PCDH15: variants seen among roughly 807,000 people sequenced by gnomAD.
PCDH15 encodes protocadherin-15.
PCDH15 carries 129 observed loss-of-function variants against 178.5 expected under a neutral mutation model. The observed-to-expected ratio is 0.72, with a 90% CI of 0.63 to 0.84. PCDH15 has a LOEUF of 0.84. PCDH15 is among the 40% of genes least tolerant of loss of function. PCDH15 has a pLI of 0.00. For synonymous variants in PCDH15, 800 were observed against 732.0 expected (o/e 1.09, Z -1.50); for missense variants, 2,230 against 2,099.9 (o/e 1.06, Z -1.21).
intron 21 of PCDH15, among the ~76,000 whole-genome samples, chr10:53,967,652 C>T (rs918919693): frequency 6.6e-6 from 1 of 151,646 alleles, no homozygotes; most frequent in African/African-American, 2.4e-5. Context: ...TTATATATAC[C>T]CAATAAGTTA....
chr10:54,743,080 G>C (rs1325741450), intron 1 of PCDH15, among the ~76,000 whole-genome samples: 1 of 152,018 alleles, frequency 6.6e-6, no homozygotes, highest in Non-Finnish European at 1.5e-5. Flanking sequence ...CCAGAAGTGA[G>C]TAACCAGCAG....
At chr10:54,697,515 GTATA>G (rs141387823) in intron 1 of PCDH15, among the ~76,000 whole-genome samples, 3 of 143,012 alleles carry the variant, frequency 2.1e-5, no homozygotes, top group Admixed American at 7.0e-5. Flanking sequence ...TGAAATGTGT[GTATA>G]TATATATATA....
intron 2 of PCDH15, among the ~76,000 whole-genome samples, chr10:55,099,138 C>G (rs746531936): frequency 1.3e-5 from 2 of 151,972 alleles, no homozygotes; most frequent in African/African-American, 2.4e-5. Flanking sequence ...ATGTTGCTCA[C>G]GCTGATCTTA....
intron 2 of PCDH15, among the ~76,000 whole-genome samples, chr10:55,113,422 A>T (rs1240019063): frequency 6.6e-6 from 1 of 152,176 alleles, no homozygotes; most frequent in Non-Finnish European, 1.5e-5. Context: ...GCTAAAAAAA[A>T]AAAAGGAAGA....
chr10:55,182,324 G>A (rs1210910948), intron 1 of PCDH15, among the ~76,000 whole-genome samples: 1 of 151,828 alleles, frequency 6.6e-6, no homozygotes, highest in Non-Finnish European at 1.5e-5. Context: ...CTACTTTTCT[G>A]TATCTACCAT....
chr10:54,520,198 C>A (rs2082695450), intron 3 of PCDH15, among the ~76,000 whole-genome samples: 1 of 152,140 alleles, frequency 6.6e-6, no homozygotes, highest in African/African-American at 2.4e-5. Flanking sequence ...GCAACAAAAG[C>A]CAAAATTGAC....
chr10:53,891,830 G>A (rs2081574904), intron 26 of PCDH15, among the ~76,000 whole-genome samples: 1 of 151,482 alleles, frequency 6.6e-6, no homozygotes, highest in Admixed American at 6.6e-5. Context: ...AAGTTAGCTG[G>A]GTGTGGCTTT....
chr10:54,566,317 T>C (rs978198414), intron 2 of PCDH15, among the ~76,000 whole-genome samples: 6 of 152,156 alleles, frequency 3.9e-5, no homozygotes, highest in African/African-American at 1.4e-4. Context: ...CTTGTTACAG[T>C]TGATGAAACT....
chr10:54,323,744 C>T (rs139695076), intron 7 of PCDH15, among the ~76,000 whole-genome samples: 355 of 152,090 alleles, frequency 2.3e-3, no homozygotes, highest in Non-Finnish European at 3.4e-3. Context: ...CAAAAAACTA[C>T]CCATTGAGTA....
At chr10:54,199,363 T>A (rs1462087721) in intron 10 of PCDH15, among the ~76,000 whole-genome samples, 21 of 152,060 alleles carry the variant, frequency 1.4e-4, no homozygotes, top group African/African-American at 5.1e-4. Context: ...GGCTGTAAGT[T>A]ACATACAGAA....
At chr10:55,005,947 T>C (rs1241964303) in intron 2 of PCDH15, among the ~76,000 whole-genome samples, 1 of 151,848 alleles carries the variant, frequency 6.6e-6, no homozygotes, top group African/African-American at 2.4e-5. Flanking sequence ...TAAATACTTA[T>C]TCTATTTTTA....
intron 2 of PCDH15, among the ~76,000 whole-genome samples, chr10:54,937,420 A>G (rs1837935908): frequency 6.6e-6 from 1 of 152,132 alleles, no homozygotes; most frequent in African/African-American, 2.4e-5. Context: ...TTGCCATCTT[A>G]ATGATATTAA....
intron 2 of PCDH15, among the ~76,000 whole-genome samples, chr10:55,475,975 C>T (rs1368750733): frequency 1.3e-5 from 2 of 152,042 alleles, no homozygotes; most frequent in Non-Finnish European, 2.9e-5. Flanking sequence ...GAATAACAGT[C>T]ATCTCAGGTG....
intron 4 of PCDH15, among the ~76,000 whole-genome samples, chr10:54,373,097 G>T (rs562817264): frequency 7.2e-5 from 11 of 151,882 alleles, no homozygotes; most frequent in Non-Finnish European, 1.5e-4. Context: ...AGTTTTTATA[G>T]GGGATTTGTT....
intron 2 of PCDH15, among the ~76,000 whole-genome samples, chr10:55,417,612 A>G (rs573752174): frequency 6.6e-6 from 1 of 151,842 alleles, no homozygotes; most frequent in African/African-American, 2.4e-5. Context: ...AGGAATAAAA[A>G]TTATTCATAA....
chr10:54,635,354 G>A (rs897758110), intron 2 of PCDH15, among the ~76,000 whole-genome samples: 45 of 150,082 alleles, frequency 3.0e-4, no homozygotes, highest in African/African-American at 9.2e-4. Context: ...GGTGACATTC[G>A]TGTTTAATTT....
chr10:53,897,230 C>T (rs1589303268), intron 26 of PCDH15, among the ~76,000 whole-genome samples: 1 of 152,206 alleles, frequency 6.6e-6, no homozygotes, highest in East Asian at 1.9e-4. Flanking sequence ...AGAGGATTAG[C>T]ATGTTCCCAC....
intron 2 of PCDH15, among the ~76,000 whole-genome samples, chr10:55,386,717 T>C (rs1030247037): frequency 6.6e-6 from 1 of 152,072 alleles, no homozygotes; most frequent in African/African-American, 2.4e-5. Flanking sequence ...AAAAAGATGG[T>C]CATTAACCAA....
At chr10:55,447,743 A>C (rs1361371341) in intron 2 of PCDH15, among the ~76,000 whole-genome samples, 1 of 152,110 alleles carries the variant, frequency 6.6e-6, no homozygotes, top group Admixed American at 6.6e-5. Context: ...GATTAGAATT[A>C]TGTTCACATA....
Sources: gnomAD v4.1 joint callset for allele counts (sites outside exome capture counted in the v4.1 genomes callset) on GRCh38, gnomAD v4.1.1 for gene constraint, MANE v1.5 for transcripts, NCBI Gene and HGNC (gene_info 2026-07-23, HGNC 2026-07-21) for gene names.